Variants in IRAG1 observed in about 807,000 individuals in gnomAD.
IRAG1 encodes the protein inositol 1,4,5-triphosphate receptor associated 1.
In IRAG1, 62 loss-of-function variants were observed where a neutral mutation model predicts 106.2. The observed-to-expected ratio is 0.58, with a 90% CI of 0.48 to 0.72. The LOEUF is 0.72. IRAG1 is among the 30% of genes least tolerant of loss of function. The probability of loss-of-function intolerance (pLI) is 0.00; values close to 1 mark genes in which losing one functional copy is unlikely to be tolerated. For synonymous variants in IRAG1, 462 were observed against 443.9 expected, an observed-to-expected ratio of 1.04 and a Z score of -0.51; for missense variants, 1,064 against 1,140.7, an observed-to-expected ratio of 0.93 and a Z score of 0.97.
Position 10,623,693 on chromosome 11 carries a change from T to C in IRAG1, c.1447+85A>G, listed in dbSNP as rs1856007502. 3 of 1,230,522 alleles carry C rather than the reference T, an allele frequency of 2.4e-6. No individual in the cohort carries two copies. In the South Asian group the frequency reaches 3.7e-5, roughly 15 times the overall value. 76.2% of individuals were successfully genotyped at this position (1,230,522 alleles called of 1,614,324 possible). ...TGTTTCCTGAGGAAGACACAGGAAG[T>C]CTTGTGTTTACACATTCACCTTCCT... On this transcript the variant is annotated intron_variant, in intron 10 of 20. Transcript: ENST00000423302.
Position 10,647,368 on chromosome 11 carries a change from T to C in IRAG1, c.225+4657A>G, listed in dbSNP as rs923103256. Among the ~76,000 whole-genome samples, 1 of 152,232 alleles carries C rather than the reference T, an allele frequency of 6.6e-6. No individual in the cohort carries two copies. Among genetic ancestry groups the C allele is most frequent in the African/African-American group, 2.4e-5 (1 of 41,460 alleles). On this transcript the variant is annotated intron_variant, in intron 2 of 20. Coordinates refer to ENST00000423302, the MANE Select transcript of IRAG1 (RefSeq NM_130385.4). This position sits in a 1 kb window ranked among gnomAD's most constrained non-coding sequence, Gnocchi z 4.3. ...ATAATACCTACCGTAAGGCTAATTA[T>C]ATGTTAAATGAGTTAATATGGTAGA...
At position 10,665,611 on chromosome 11, in the gene IRAG1, C is replaced by T. The variant is rs766960094; in HGVS notation, c.68-13429G>A. ...TCCCCAGAAGAGCAGACCCCAAGAC[C>T]GGGACAATGATTGGCTGTGTGAACA... On this transcript the variant is annotated intron_variant, in intron 1 of 20. Transcript: ENST00000423302. The surrounding 1 kb of genome is among the most constrained non-coding windows in gnomAD (Gnocchi z 4.2). Among the ~76,000 whole-genome samples, 6 of 152,168 alleles carry T rather than the reference C, an allele frequency of 3.9e-5. No homozygotes were observed. Among genetic ancestry groups the T allele is most frequent in the African/African-American group, 1.2e-4 (5 of 41,438 alleles).
intron 1 of IRAG1, among the ~76,000 whole-genome samples, chr11:10,653,818 C>A (rs1385033850): frequency 2.0e-5 from 3 of 152,174 alleles, no homozygotes; most frequent in African/African-American, 7.2e-5. Flanking sequence ...TGGCCTCTCC[C>A]CATCCTTAAA....
intron 2 of IRAG1, among the ~76,000 whole-genome samples, chr11:10,634,753 T>TTTTGTG (rs1554927053): frequency 5.1e-4 from 74 of 145,050 alleles, no homozygotes; most frequent in African/African-American, 1.8e-3. Flanking sequence ...AATAATATTC[T>TTTTGTG]TGTGTGTGTG....
chr11:10,642,816 T>G (rs1163464430), intron 2 of IRAG1, among the ~76,000 whole-genome samples: 6 of 152,284 alleles, frequency 3.9e-5, no homozygotes, highest in Middle Eastern at 3.4e-3. Flanking sequence ...AGGGACTGCC[T>G]TGGTAGAGAG....
chr11:10,693,691 G>T lies in IRAG1; in HGVS notation c.-89C>A. On this transcript the variant is annotated 5_prime_UTR_variant, in exon 1 of 21. Transcript: ENST00000423302. ...CGGCCGCACGCCTCCTCTGAGAGGG[G>T]CTGGGACTTAGAGCCGAGAGCTCCT... The T allele has an allele frequency of 6.9e-7, 1 of 1,446,936 alleles. No homozygotes were observed. The highest frequency in any genetic ancestry group is 9.3e-7 in the Non-Finnish European group (1 of 1,071,566). 89.6% of individuals were successfully genotyped at this position (1,446,936 alleles called of 1,614,324 possible).
rs771273199 is a variant in IRAG1 at position 10,628,834 on chromosome 11, A to T, written c.575-6T>A. The stretch of plus-strand genomic sequence containing the variant: ...GCTGAGGTTCGGGGAAACAGCTGTG[A>T]AGACAGACACAAATTGGCTGGCATT... On this transcript the variant is annotated splice_region_variant and splice_polypyrimidine_tract_variant and intron_variant, in intron 5 of 20. Transcript: ENST00000423302. The surrounding 1 kb of genome is among the most constrained non-coding windows in gnomAD (Gnocchi z 4.1). 3.2e-5 allele frequency: 51 copies of T among 1,576,188 alleles called. No individual in the cohort carries two copies. Among genetic ancestry groups the T allele is most frequent in the Non-Finnish European group, 4.3e-5 (50 of 1,162,310 alleles).
intron 3 of IRAG1, among the ~76,000 whole-genome samples, chr11:10,633,404 TAGAC>T (rs1180701304): frequency 5.3e-5 from 8 of 152,124 alleles, no homozygotes; most frequent in Middle Eastern, 3.2e-3. Context: ...TTTTGAAAAT[TAGAC>T]AGTCTCATTT....
chr11:10,663,615 C>T (rs1373520103), intron 1 of IRAG1, among the ~76,000 whole-genome samples: 2 of 152,214 alleles, frequency 1.3e-5, no homozygotes, highest in Non-Finnish European at 2.9e-5. Flanking sequence ...TGGTCTATGA[C>T]AGCACTGTGT....
intron 10 of IRAG1, chr11:10,617,312 G>A (rs141201050): frequency 4.9e-6 from 2 of 411,616 alleles, no homozygotes; most frequent in African/African-American, 4.3e-5. Context: ...ATAAAAAATA[G>A]CTTAAACACC....
intron 12 of IRAG1, among the ~76,000 whole-genome samples, chr11:10,605,914 T>G (rs1854433492): frequency 6.6e-6 from 1 of 152,222 alleles, no homozygotes; most frequent in South Asian, 2.1e-4. Flanking sequence ...TGGATCTAGG[T>G]CTTGGTTTTG....
chr11:10,594,680 C>T (rs1053251876), intron 15 of IRAG1, among the ~76,000 whole-genome samples: 10 of 152,116 alleles, frequency 6.6e-5, no homozygotes, highest in African/African-American at 2.4e-4. Context: ...AGCTACCACC[C>T]CAGGATTTTC....
At chr11:10,680,493 G>A (rs1335822015) in intron 1 of IRAG1, among the ~76,000 whole-genome samples, 2 of 132,834 alleles carry the variant, frequency 1.5e-5, no homozygotes, top group Middle Eastern at 3.8e-3. Flanking sequence ...AAGGGAGGGA[G>A]AAAGAGAGAG....
At chr11:10,624,877 C>T (rs965230365) in intron 9 of IRAG1, among the ~76,000 whole-genome samples, 5 of 152,044 alleles carry the variant, frequency 3.3e-5, no homozygotes, top group Non-Finnish European at 7.4e-5. Context: ...AACCAGAGGC[C>T]CATGAAGGCA....
chr11:10,689,058 T>C (rs1044674618), intron 1 of IRAG1, among the ~76,000 whole-genome samples: 3 of 152,240 alleles, frequency 2.0e-5, no homozygotes, highest in South Asian at 2.1e-4. Context: ...TTAGCTACCA[T>C]TGTCATTACT....
intron 18 of IRAG1, among the ~76,000 whole-genome samples, chr11:10,591,202 TG>T (rs955265455): frequency 6.6e-6 from 1 of 152,228 alleles, no homozygotes; most frequent in African/African-American, 2.4e-5. Context: ...AGAGCCCTGC[TG>T]TGCCATACCA....
intron 1 of IRAG1, among the ~76,000 whole-genome samples, chr11:10,671,723 C>A (rs551943509): frequency 4.6e-5 from 6 of 129,478 alleles, no homozygotes; most frequent in Admixed American, 3.7e-4. Flanking sequence ...AAAACAACAA[C>A]AACAAACACA....
chr11:10,603,251 A>G lies in IRAG1; in HGVS notation c.1744T>C (p.Ser582Pro). 1 of 1,613,538 alleles carries G rather than the reference A, an allele frequency of 6.2e-7. No individual in the cohort carries two copies. The highest frequency in any genetic ancestry group is 1.1e-5 in the South Asian group (1 of 91,054). Reference sequence around the variant, plus strand: ...CAGTGGTGCCAGAGTGAAGCTGAGGACTGAACAGGAGTAGGAGCATCACCT... The same window carrying G: ...CAGTGGTGCCAGAGTGAAGCTGAGGGCTGAACAGGAGTAGGAGCATCACCT... ...ELENFKASIT[S>P]SASLWHHCEH... The change falls in exon 14 of 21, where the codon TCC becomes CCC. Residue 582 changes from serine to proline, a missense_variant and splice_region_variant. Ser to Pro is a moderately conservative substitution (Grantham distance 74). Coordinates refer to ENST00000423302, the MANE Select transcript of IRAG1 (RefSeq NM_130385.4).
intron 10 of IRAG1, among the ~76,000 whole-genome samples, chr11:10,614,417 T>C (rs1401707030): frequency 6.6e-6 from 1 of 152,222 alleles, no homozygotes; most frequent in Non-Finnish European, 1.5e-5. Context: ...ACCAATGACT[T>C]TCTTCACAGA....
Sources: allele counts gnomAD v4.1 joint callset (sites outside exome capture counted in the v4.1 genomes callset), GRCh38; gene constraint gnomAD v4.1.1; non-coding constraint Gnocchi (gnomAD v3.1); transcripts MANE v1.5; gene names NCBI Gene and HGNC (gene_info 2026-07-23, HGNC 2026-07-21).